TAFA1: variants seen among roughly 807,000 people sequenced by gnomAD.
TAFA1 encodes the protein chemokine-like protein TAFA-1.
TAFA1 carries 4 observed loss-of-function variants against 18.5 expected under a neutral mutation model. That is an observed-to-expected ratio of 0.22 (90% CI 0.11 to 0.49). The LOEUF (loss-of-function observed/expected upper bound fraction) is 0.49. Ranked by LOEUF, TAFA1 falls within the 20% of genes least tolerant of loss-of-function variation. The probability of loss-of-function intolerance (pLI) is 0.98; values close to 1 mark genes in which losing one functional copy is unlikely to be tolerated. For synonymous variants in TAFA1, 56 were observed against 55.2 expected (o/e 1.01, Z -0.06); for missense variants, 147 against 169.0 (o/e 0.87, Z 0.72).
At chr3:68,362,343 G>A (rs2069483915) in intron 2 of TAFA1, among the ~76,000 whole-genome samples, 1 of 152,118 alleles carries the variant, frequency 6.6e-6, no homozygotes, top group Non-Finnish European at 1.5e-5. Flanking sequence ...CTAGAGACTT[G>A]CAAAGCAATA....
chr3:68,131,064 G>A (rs1040464278), intron 2 of TAFA1, among the ~76,000 whole-genome samples: 2 of 152,062 alleles, frequency 1.3e-5, no homozygotes, highest in African/African-American at 4.8e-5. Context: ...GGCATATAGT[G>A]GGCTCTTATT....
intron 2 of TAFA1, among the ~76,000 whole-genome samples, chr3:68,365,573 T>A (rs1308954833): frequency 3.3e-5 from 5 of 152,196 alleles, no homozygotes; most frequent in Non-Finnish European, 5.9e-5. Context: ...AGTTACTATG[T>A]AGGACACTTC....
chr3:68,023,244 A>G (rs1217444684), intron 2 of TAFA1, among the ~76,000 whole-genome samples: 1 of 152,154 alleles, frequency 6.6e-6, no homozygotes, highest in Non-Finnish European at 1.5e-5. Flanking sequence ...ATCTTTATGC[A>G]TACTTCTTTC....
chr3:68,464,596 G>A (rs1055167089), intron 3 of TAFA1, among the ~76,000 whole-genome samples: 1 of 152,148 alleles, frequency 6.6e-6, no homozygotes, highest in African/African-American at 2.4e-5. Flanking sequence ...GAAAGCCAGG[G>A]TCACATAGTG....
At chr3:68,287,912 G>GT (rs1288556617) in intron 2 of TAFA1, among the ~76,000 whole-genome samples, 1 of 117,340 alleles carries the variant, frequency 8.5e-6, no homozygotes, top group Non-Finnish European at 1.7e-5. Flanking sequence ...TTTGTTGGGG[G>GT]GTGGGGGGGC....
intron 2 of TAFA1, among the ~76,000 whole-genome samples, chr3:68,413,862 T>A (rs1236395638): frequency 6.6e-6 from 1 of 151,968 alleles, no homozygotes; most frequent in African/African-American, 2.4e-5. Flanking sequence ...ATTTGAGCAA[T>A]GATGGAGTGA....
At chr3:68,172,232 G>T (rs750379617) in intron 2 of TAFA1, among the ~76,000 whole-genome samples, 6 of 152,192 alleles carry the variant, frequency 3.9e-5, no homozygotes, top group South Asian at 4.1e-4. Context: ...ACATGCAAAG[G>T]CTCCCCAATA....
intron 2 of TAFA1, among the ~76,000 whole-genome samples, chr3:68,233,637 T>A (rs1431991902): frequency 6.6e-6 from 1 of 152,192 alleles, no homozygotes; most frequent in Non-Finnish European, 1.5e-5. Flanking sequence ...TTAGGATTTT[T>A]TTTTCTATTT....
intron 2 of TAFA1, among the ~76,000 whole-genome samples, chr3:68,026,743 C>T (rs940396102): frequency 1.1e-3 from 162 of 152,282 alleles, no homozygotes; most frequent in African/African-American, 3.2e-3. Flanking sequence ...TAACTACTGT[C>T]CTGTATGTTC....
chr3:68,050,314 C>G (rs1039934850), intron 2 of TAFA1, among the ~76,000 whole-genome samples: 6 of 152,130 alleles, frequency 3.9e-5, no homozygotes, highest in Admixed American at 1.3e-4. Context: ...CCCTCAGACT[C>G]TTTGAAGGCT....
intron 2 of TAFA1, among the ~76,000 whole-genome samples, chr3:68,188,886 T>G (rs1167733106): frequency 6.6e-6 from 1 of 151,876 alleles, no homozygotes; most frequent in African/African-American, 2.4e-5. Context: ...GTTTTGGAGC[T>G]TTCTGTTTCC....
chr3:68,398,765 C>G (rs928287423), intron 2 of TAFA1, among the ~76,000 whole-genome samples: 1 of 152,174 alleles, frequency 6.6e-6, no homozygotes, highest in Non-Finnish European at 1.5e-5. Flanking sequence ...CTATATTCTG[C>G]TCTTCAGATT....
At chr3:68,073,441 T>A (rs1308140178) in intron 2 of TAFA1, among the ~76,000 whole-genome samples, 3 of 152,166 alleles carry the variant, frequency 2.0e-5, no homozygotes, top group Non-Finnish European at 4.4e-5. Context: ...AACAAATATG[T>A]CCCCCACCTC....
intron 2 of TAFA1, among the ~76,000 whole-genome samples, chr3:68,023,635 C>A (rs979294288): frequency 6.6e-6 from 1 of 152,026 alleles, no homozygotes; most frequent in East Asian, 1.9e-4. Context: ...GCTTAGATAT[C>A]TTAGCTTATT....
intron 2 of TAFA1, among the ~76,000 whole-genome samples, chr3:68,027,015 A>AG (rs963647784): frequency 1.3e-5 from 2 of 151,950 alleles, no homozygotes; most frequent in African/African-American, 4.8e-5. Flanking sequence ...GAAGAGAGAG[A>AG]GGGGGGAGGT....
intron 3 of TAFA1, among the ~76,000 whole-genome samples, chr3:68,530,768 CAAA>C (rs201227025): frequency 6.7e-6 from 1 of 149,554 alleles, no homozygotes; most frequent in African/African-American, 2.5e-5. Context: ...TAGCTCAGAT[CAAA>C]AAAAAAGTGT....
At chr3:68,005,801 T>C (rs1002021643) in intron 1 of TAFA1, among the ~76,000 whole-genome samples, 3 of 152,206 alleles carry the variant, frequency 2.0e-5, no homozygotes, top group African/African-American at 7.2e-5. Flanking sequence ...TTTGAGAAAT[T>C]GGACAATATA....
intron 2 of TAFA1, among the ~76,000 whole-genome samples, chr3:68,022,722 T>C (rs1181513903): frequency 1.3e-5 from 2 of 150,324 alleles, no homozygotes; most frequent in Admixed American, 6.6e-5. Context: ...AATTAATGCT[T>C]GTAAATGCAT....
intron 2 of TAFA1, among the ~76,000 whole-genome samples, chr3:68,074,280 C>T (rs1286224752): frequency 6.6e-6 from 1 of 152,142 alleles, no homozygotes; most frequent in Non-Finnish European, 1.5e-5. Context: ...TTCACTTGCT[C>T]ACCTGCTGCT....
Sources: allele counts gnomAD v4.1 joint callset (sites outside exome capture counted in the v4.1 genomes callset), GRCh38; gene constraint gnomAD v4.1.1; transcripts MANE v1.5; gene names NCBI Gene and HGNC (gene_info 2026-07-23, HGNC 2026-07-21).